ARHGAP20: variants seen among roughly 807,000 people sequenced by gnomAD.
ARHGAP20 encodes the protein rho GTPase-activating protein 20.
Under a neutral mutation model 73.7 loss-of-function variants are expected in ARHGAP20, and 34 were observed. The ratio of observed to expected loss-of-function variants is 0.46; its 90% CI spans 0.35 to 0.61. The LOEUF (loss-of-function observed/expected upper bound fraction) is 0.61, where lower values mean the gene tolerates loss of function less well. Ranked by LOEUF, ARHGAP20 falls within the 20% of genes least tolerant of loss-of-function variation. The probability of loss-of-function intolerance (pLI) is 0.00; values close to 1 mark genes in which losing one functional copy is unlikely to be tolerated. For missense variants in ARHGAP20, 1,314 were observed against 1,420.9 expected, an observed-to-expected ratio of 0.92 and a Z score of 1.21; for synonymous variants, 523 against 518.2, an observed-to-expected ratio of 1.01 and a Z score of -0.13.
chr11:110,578,045 C>T lies in ARHGAP20; in HGVS notation c.*1325G>A, dbSNP rs1358224950. The T allele has an allele frequency of 1.0e-6, 1 of 985,244 alleles. No homozygotes were observed. The highest frequency in any genetic ancestry group is 1.2e-6 in the Non-Finnish European group (1 of 829,930). The allele number at this position is 985,244 out of a possible 1,614,324, so 61.0% of individuals were successfully genotyped here. ...TTAGTAGTTAATGTGAAAGAAGATG[C>T]ACATCCATTTTTAGTGCCATCCCTG... On this transcript the variant is annotated 3_prime_UTR_variant, in exon 15 of 15. Transcript: ENST00000683387.
At chr11:110,626,870 A>T (rs1948753958) in intron 3 of ARHGAP20, among the ~76,000 whole-genome samples, 1 of 152,196 alleles carries the variant, frequency 6.6e-6, no homozygotes, top group Admixed American at 6.5e-5. Flanking sequence ...GAAGTATTCC[A>T]ATAAAGCTTT....
chr11:110,623,980 A>G (rs1029954485), intron 4 of ARHGAP20, among the ~76,000 whole-genome samples, 182 bp downstream of exon 4: 1 of 152,260 alleles, frequency 6.6e-6, no homozygotes, highest in African/African-American at 2.4e-5. Context: ...TACATGGCAT[A>G]CAAGTATTTT....
intron 12 of ARHGAP20, among the ~76,000 whole-genome samples, chr11:110,584,939 G>GAA (rs1388081453): frequency 2.6e-5 from 3 of 115,380 alleles, no homozygotes; most frequent in Admixed American, 1.0e-4. Context: ...GAATATATGT[G>GAA]TATATGAATA....
chr11:110,667,489 G>A (rs960268911), intron 2 of ARHGAP20, among the ~76,000 whole-genome samples: 26 of 152,126 alleles, frequency 1.7e-4, no homozygotes, highest in South Asian at 2.1e-4. Context: ...ACTGCTCACC[G>A]ATAATGCACC....
rs376818897 is a variant in ARHGAP20 at position 110,580,969 on chromosome 11, C to T, written c.1977G>A (p.Pro659=). ...TCTTTGTGTACACTAAAATGTTCAC[C>T]GGCTTGGATTCAAGAGGCCGTTTCA... The part of the protein sequence containing the change: ...VQMKRPLESK[P]VNILVYTKIP... The change falls in exon 15 of 15, where the codon CCG becomes CCA. Residue 659 remains proline, a synonymous_variant. Coordinates refer to ENST00000683387, the MANE Select transcript of ARHGAP20 (RefSeq NM_001384657.1). 59 of 1,613,998 alleles carry T rather than the reference C, an allele frequency of 3.7e-5. No homozygotes were observed. Among genetic ancestry groups the T allele is most frequent in the South Asian group, 6.6e-5 (6 of 91,090 alleles).
In ARHGAP20 at chr11:110,578,739, C is replaced by G. The variant is rs1315639184; in HGVS notation, c.*631G>C. ...AACCAACAAAACTGATATCATGGTA[C>G]CCATGGCTTTTGAGTCACTCTGTTT... On this transcript the variant is annotated 3_prime_UTR_variant, in exon 15 of 15. Coordinates refer to ENST00000683387, the MANE Select transcript of ARHGAP20 (RefSeq NM_001384657.1). The G allele has an allele frequency of 1.0e-6, 1 of 985,280 alleles. No homozygotes were observed. Among genetic ancestry groups the G allele is most frequent in the Non-Finnish European group, 1.2e-6 (1 of 829,924 alleles). The allele number at this position is 985,280 out of a possible 1,614,324, so 61.0% of individuals were successfully genotyped here.
chr11:110,692,346 A>G (rs1950259164), intron 1 of ARHGAP20, among the ~76,000 whole-genome samples: 1 of 152,166 alleles, frequency 6.6e-6, no homozygotes, highest in Non-Finnish European at 1.5e-5. Flanking sequence ...GCTATGTTCC[A>G]GATTTTTTGC....
At chr11:110,698,781 G>A (rs967226793) in intron 1 of ARHGAP20, among the ~76,000 whole-genome samples, 4 of 151,580 alleles carry the variant, frequency 2.6e-5, no homozygotes, top group East Asian at 3.9e-4. Flanking sequence ...TATCATTTCC[G>A]GTTGTACTTA....
chr11:110,711,637 C>A, intron 1 of ARHGAP20: 3 of 1,478,954 alleles, frequency 2.0e-6, no homozygotes, highest in Non-Finnish European at 2.7e-6. Context: ...AGCCCACCAG[C>A]GCCGCAGCCC....
At chr11:110,591,054 T>A (rs985785005) in intron 10 of ARHGAP20, among the ~76,000 whole-genome samples, 1 of 152,114 alleles carries the variant, frequency 6.6e-6, no homozygotes, top group African/African-American at 2.4e-5. Context: ...AAAATTTCAG[T>A]TAGGAGGAAT....
At chr11:110,600,511 C>T (rs1043825551) in intron 9 of ARHGAP20, among the ~76,000 whole-genome samples, 2 of 152,238 alleles carry the variant, frequency 1.3e-5, no homozygotes, top group African/African-American at 4.8e-5. Flanking sequence ...ACACCCCTCG[C>T]CACTCCACAC....
intron 2 of ARHGAP20, among the ~76,000 whole-genome samples, chr11:110,665,069 G>A (rs1249113425): frequency 6.6e-6 from 1 of 152,028 alleles, no homozygotes; most frequent in African/African-American, 2.4e-5. Flanking sequence ...AGACACTAGG[G>A]AAGTGCCCAT....
chr11:110,635,449 G>C (rs750986847), intron 2 of ARHGAP20, among the ~76,000 whole-genome samples: 15 of 152,120 alleles, frequency 9.9e-5, no homozygotes, highest in Non-Finnish European at 1.9e-4. Context: ...AGTCTACAAC[G>C]CATTCTAGCT....
At chr11:110,625,034 T>A (rs1313548863) in intron 3 of ARHGAP20, among the ~76,000 whole-genome samples, 1 of 70,720 alleles carries the variant, frequency 1.4e-5, no homozygotes, top group African/African-American at 6.4e-5. Flanking sequence ...TTATTTTTAT[T>A]TTTTTTTTTT....
chr11:110,663,900 T>C lies in ARHGAP20; in HGVS notation c.188+26647A>G, dbSNP rs1056778923. ...AACAATATATGAAAAGGATATTACA[T>C]CATGACCAAGTGAAGTTTATCCCAA... On this transcript the variant is annotated intron_variant, in intron 2 of 14. Coordinates refer to ENST00000683387, the MANE Select transcript of ARHGAP20 (RefSeq NM_001384657.1). 1.2e-4 allele frequency among the ~76,000 whole-genome samples: 18 copies of C among 152,224 alleles called. No individual in the cohort carries two copies. The Middle Eastern group carries it at 0.01, about 86-fold the overall frequency.
chr11:110,690,838 G>T, intron 1 of ARHGAP20: 1 of 908,238 alleles, frequency 1.1e-6, no homozygotes, highest in Non-Finnish European at 1.6e-6. Context: ...AGTGGTAAAA[G>T]CAATAAGTAT....
intron 1 of ARHGAP20, among the ~76,000 whole-genome samples, chr11:110,702,276 G>T (rs1950468163): frequency 6.6e-6 from 1 of 152,032 alleles, no homozygotes; most frequent in African/African-American, 2.4e-5. Context: ...CAGAACCAAA[G>T]ACAAAAACCA....
chr11:110,700,687 C>T (rs1950428807), intron 1 of ARHGAP20, among the ~76,000 whole-genome samples: 2 of 151,474 alleles, frequency 1.3e-5, no homozygotes, highest in South Asian at 4.2e-4. Context: ...ATGCTGCACC[C>T]ACTAACTTGT....
At chr11:110,621,359 G>A (rs4938030) in intron 4 of ARHGAP20, among the ~76,000 whole-genome samples, 25,052 of 151,544 alleles carry the variant, frequency 0.17, 2,510 homozygotes, top group East Asian at 0.31. Flanking sequence ...CCATTTCCTC[G>A]CTCCTCTTTC....
Sources: allele counts gnomAD v4.1 joint callset (sites outside exome capture counted in the v4.1 genomes callset), GRCh38; gene constraint gnomAD v4.1.1; transcripts MANE v1.5; gene names NCBI Gene and HGNC (gene_info 2026-07-23, HGNC 2026-07-21).